Variants in RC3H2 observed in about 807,000 individuals in gnomAD.
RC3H2 encodes ring finger and CCCH-type domains 2.
In RC3H2, 31 loss-of-function variants were observed where a neutral mutation model predicts 133.3. That is an observed-to-expected ratio of 0.23 (90% CI 0.17 to 0.31). The LOEUF is 0.31. Among genes scored for constraint, RC3H2 ranks in the 10% least tolerant of loss-of-function variants. The pLI is 1.00. For synonymous variants in RC3H2, 517 were observed against 502.2 expected, an observed-to-expected ratio of 1.03 and a Z score of -0.40; for missense variants, 1,175 against 1,437.2, an observed-to-expected ratio of 0.82 and a Z score of 2.95.
rs1829827423 is a variant in RC3H2 at position 122,844,605 on chromosome 9, G to A, written c.*5022C>T. 6.6e-6 allele frequency: 1 copy of A among 152,186 alleles called. No homozygotes were observed. Among genetic ancestry groups the A allele is most frequent in the African/African-American group, 2.4e-5 (1 of 41,442 alleles). The allele number at this position is 152,186 out of a possible 1,614,324, so 9.4% of individuals were successfully genotyped here. A position where few individuals can be genotyped will look rare whatever the true frequency, so the allele number is the denominator to read the frequency against. Reference sequence around the variant, plus strand: ...TTTTGTGCATGCAAATACATGTCAAGTACTGCAAACTTTTTCCATCAATTT... The same window carrying A: ...TTTTGTGCATGCAAATACATGTCAAATACTGCAAACTTTTTCCATCAATTT... On this transcript the variant is annotated 3_prime_UTR_variant, in exon 21 of 21. Transcript: ENST00000357244.
rs914728176 is a variant in RC3H2, at chr9:122,857,850, G to A, written c.2454+73C>T. ...GCAAATATCCAACATAGCTATTCCT[G>A]GTTTGAATGAGTAATTTGAAGTCAG... On this transcript the variant is annotated intron_variant, in intron 13 of 20. Coordinates refer to ENST00000357244, the MANE Select transcript of RC3H2 (RefSeq NM_001100588.3). 8.2e-6 allele frequency: 11 copies of A among 1,336,248 alleles called. No homozygotes were observed. The African/African-American group carries it at 1.3e-4, about 16-fold the overall frequency. 82.8% of individuals were successfully genotyped at this position (1,336,248 alleles called of 1,614,324 possible).
At chr9:122,900,274 C>T (rs1832605807) in intron 1 of RC3H2, among the ~76,000 whole-genome samples, 1 of 152,010 alleles carries the variant, frequency 6.6e-6, no homozygotes, top group South Asian at 2.1e-4. Context: ...ATAACTCTAC[C>T]AAATTTTCTT....
At chr9:122,863,854 A>G (rs1465868483) in intron 10 of RC3H2, among the ~76,000 whole-genome samples, 3 of 152,110 alleles carry the variant, frequency 2.0e-5, no homozygotes, top group Non-Finnish European at 2.9e-5. Context: ...CTCCTGCCTC[A>G]GCCTTCCCAG....
At chr9:122,859,251 GCT>G in intron 11 of RC3H2, 149 bp from the exon 12 acceptor site, 7 of 307,256 alleles carry the variant, frequency 2.3e-5, no homozygotes, top group Admixed American at 1.1e-4. Flanking sequence ...TTATACCCTG[GCT>G]TTTTTTTTTT....
intron 5 of RC3H2, among the ~76,000 whole-genome samples, chr9:122,882,175 T>C (rs1309071269): frequency 6.6e-6 from 1 of 152,098 alleles, no homozygotes; most frequent in Non-Finnish European, 1.5e-5. Context: ...TCTACTTAAG[T>C]AGTAAAAAAA....
intron 10 of RC3H2, among the ~76,000 whole-genome samples, chr9:122,862,144 A>C (rs932490496): frequency 2.6e-5 from 4 of 152,208 alleles, no homozygotes; most frequent in African/African-American, 9.6e-5. Context: ...ATCCATGATA[A>C]GGTCAACATT....
chr9:122,876,828 G>C (rs1163019073), intron 9 of RC3H2, among the ~76,000 whole-genome samples: 1 of 151,492 alleles, frequency 6.6e-6, no homozygotes, highest in Non-Finnish European at 1.5e-5. Flanking sequence ...TAGGAGAAGA[G>C]AAAGAATACA....
intron 3 of RC3H2, 42 bp downstream of exon 3, chr9:122,892,867 C>A: frequency 6.8e-7 from 1 of 1,473,688 alleles, no homozygotes; most frequent in South Asian, 1.1e-5. Context: ...AAATGTACTA[C>A]CAAGTCCTAC....
At chr9:122,874,345 T>C (rs1488945454) in intron 9 of RC3H2, 1 of 151,344 alleles carries the variant, frequency 6.6e-6, no homozygotes, top group Non-Finnish European at 1.5e-5. Flanking sequence ...AAAAAGAAAA[T>C]AGTGGAAATG....
At chr9:122,880,349 A>C in intron 6 of RC3H2, 1 of 757,562 alleles carries the variant, frequency 1.3e-6, no homozygotes, top group Non-Finnish European at 2.3e-6. Flanking sequence ...TGAGGTCAGA[A>C]TATAGATAAA....
chr9:122,897,579 A>G lies in RC3H2; in HGVS notation c.-67-3T>C. The G allele has an allele frequency of 6.6e-7, 1 of 1,523,042 alleles. No individual in the cohort carries two copies. The highest frequency in any genetic ancestry group is 1.4e-5 in the African/African-American group (1 of 72,656). The allele number at this position is 1,523,042 out of a possible 1,614,324, so 94.3% of individuals were successfully genotyped here. A position where few individuals can be genotyped will look rare whatever the true frequency, so the allele number is the denominator to read the frequency against. On this transcript the variant is annotated splice_polypyrimidine_tract_variant and splice_region_variant and intron_variant, in intron 1 of 20. Transcript: ENST00000357244. ...TTTGCTGTGTAGTGTTTTGTAAGCT[A>G]GAAATGGACAAAAGTATGAATTAAC...
chr9:122,852,939 A>AG (rs1299925516), intron 18 of RC3H2, among the ~76,000 whole-genome samples: 1 of 152,212 alleles, frequency 6.6e-6, no homozygotes, highest in African/African-American at 2.4e-5. Flanking sequence ...TGGAATAGAA[A>AG]GGGGGGAAAG....
intron 9 of RC3H2, among the ~76,000 whole-genome samples, chr9:122,873,310 T>C (rs1434081764): frequency 6.6e-6 from 1 of 152,126 alleles, no homozygotes; most frequent in African/African-American, 2.4e-5. Flanking sequence ...AGCAATAGAG[T>C]GTGAAGCTGG....
chr9:122,905,315 T>C lies in RC3H2; in HGVS notation c.-273A>G, dbSNP rs1293347801. 1.2e-6 allele frequency: 1 copy of C among 855,576 alleles called. No homozygotes were observed. Among genetic ancestry groups the C allele is most frequent in the Non-Finnish European group, 1.4e-6 (1 of 711,710 alleles). The allele number at this position is 855,576 out of a possible 1,614,324, so 53.0% of individuals were successfully genotyped here. On this transcript the variant is annotated 5_prime_UTR_variant, in exon 1 of 21. Coordinates refer to ENST00000357244, the MANE Select transcript of RC3H2 (RefSeq NM_001100588.3). ...TCCTCCTCCTCCCTCCACCTCCGCC[T>C]CCTCCTCCTCCTCCTCCTCACCACG...
intron 9 of RC3H2, among the ~76,000 whole-genome samples, chr9:122,869,144 G>C (rs568726209): frequency 5.9e-5 from 9 of 152,166 alleles, no homozygotes; most frequent in African/African-American, 2.2e-4. Context: ...GACCTCAGGT[G>C]ATCTGCCCAC....
chr9:122,868,194 G>A, intron 9 of RC3H2, among the ~76,000 whole-genome samples: 1 of 151,058 alleles, frequency 6.6e-6, no homozygotes, highest in African/African-American at 2.4e-5. Flanking sequence ...GCCCCTACTG[G>A]GAAGTGAGGA....
At chr9:122,860,180 C>T (rs984922486) in intron 10 of RC3H2, 49 bp from the exon 11 acceptor site, 1 of 1,359,698 alleles carries the variant, frequency 7.4e-7, no homozygotes, top group Non-Finnish European at 1.0e-6. Context: ...CTGTCTATGA[C>T]TGTCCTCCTT....
chr9:122,889,753 T>C (rs2131484291), intron 4 of RC3H2, among the ~76,000 whole-genome samples: 1 of 152,362 alleles, frequency 6.6e-6, no homozygotes, highest in Middle Eastern at 3.4e-3. Flanking sequence ...ACTGTAGCTA[T>C]ATTGCCTATC....
chr9:122,880,887 C>T, intron 5 of RC3H2, 93 bp from the exon 6 acceptor site: 2 of 837,716 alleles, frequency 2.4e-6, no homozygotes, highest in South Asian at 1.5e-5. Flanking sequence ...GTGGGGGATA[C>T]TTACATATCA....
Sources: allele counts gnomAD v4.1 joint callset (sites outside exome capture counted in the v4.1 genomes callset), GRCh38; gene constraint gnomAD v4.1.1; transcripts MANE v1.5; gene names NCBI Gene and HGNC (gene_info 2026-07-23, HGNC 2026-07-21).